The following CLEC4F variants were observed in gnomAD, a reference collection of about 807,000 sequenced individuals.
The protein encoded by CLEC4F is C-type lectin domain family 4 member F.
In CLEC4F, 45 loss-of-function variants were observed where a neutral mutation model predicts 53.4. That is an observed-to-expected ratio of 0.84 (90% CI 0.66 to 1.08). The LOEUF (loss-of-function observed/expected upper bound fraction) is 1.08. Ranked by LOEUF, CLEC4F falls within the 50% of genes least tolerant of loss-of-function variation. CLEC4F has a pLI of 0.00. For synonymous variants in CLEC4F, 245 were observed against 257.5 expected, an observed-to-expected ratio of 0.95 and a Z score of 0.46; for missense variants, 753 against 698.2, an observed-to-expected ratio of 1.08 and a Z score of -0.88.
upstream of CLEC4F, among the ~76,000 whole-genome samples, chr2:70,822,365 A>G (rs1241127236): frequency 1.3e-5 from 2 of 152,216 alleles, no homozygotes; most frequent in Admixed American, 6.5e-5. Context: ...GACTAACTCC[A>G]AAGAATCTGA....
chr2:70,825,216 C>T (rs1677317130), upstream of CLEC4F, among the ~76,000 whole-genome samples: 1 of 152,112 alleles, frequency 6.6e-6, no homozygotes, highest in Non-Finnish European at 1.5e-5. Flanking sequence ...CAGTGGGCTC[C>T]TCAAAACTGT....
chr2:70,813,353 G>A (rs180996706), intron 4 of CLEC4F, among the ~76,000 whole-genome samples: 18 of 152,294 alleles, frequency 1.2e-4, no homozygotes, highest in Non-Finnish European at 2.4e-4. Context: ...AAAAGGTGTT[G>A]AAGATGCATT....
At chr2:70,825,042 G>T (rs2863806), upstream of CLEC4F, among the ~76,000 whole-genome samples, 1 of 151,740 alleles carries the variant, frequency 6.6e-6, no homozygotes, top group South Asian at 2.1e-4. Flanking sequence ...CAAGGTCAAC[G>T]CCAACAGTAA....
At chr2:70,824,469 C>T (rs1257478327), upstream of CLEC4F, among the ~76,000 whole-genome samples, 1 of 151,850 alleles carries the variant, frequency 6.6e-6, no homozygotes, top group African/African-American at 2.4e-5. Context: ...AACAGCCACA[C>T]AGCCCCCAGG....
chr2:70,813,624 T>TTTCC (rs1676727832), intron 4 of CLEC4F, among the ~76,000 whole-genome samples: 1 of 145,840 alleles, frequency 6.9e-6, no homozygotes, highest in Non-Finnish European at 1.5e-5. Context: ...TCTTTCTTTC[T>TTTCC]TTCTTTCTTT....
rs149426278 is a variant in CLEC4F at position 70,809,057 on chromosome 2, CA to C, written c.*213del. On this transcript the variant is annotated 3_prime_UTR_variant, in exon 7 of 7. Coordinates refer to ENST00000272367, the MANE Select transcript of CLEC4F (RefSeq NM_173535.3). ...TGCCCATTCTTGTGCCGCCAGTTGTCAGACTGATTCTTTTCCCAAAACCCGA... is the reference window on the plus strand; with the variant it reads ...TGCCCATTCTTGTGCCGCCAGTTGTCGACTGATTCTTTTCCCAAAACCCGA... The C allele has an allele frequency of 0.29, 444,224 of 1,538,260 alleles. 68,547 individuals carry two copies. The highest frequency in any genetic ancestry group is 0.33 in the Middle Eastern group (1,964 of 5,978).
intron 5 of CLEC4F, chr2:70,811,054 T>C (rs1171401484): frequency 3.1e-5 from 20 of 653,832 alleles, no homozygotes; most frequent in Non-Finnish European, 5.4e-5. Flanking sequence ...GCTGGGAAAA[T>C]ATTTATTGCC....
At chr2:70,810,774 G>A (rs1676514279) in intron 5 of CLEC4F, 1 of 490,004 alleles carries the variant, frequency 2.0e-6, no homozygotes. Context: ...TATGTGATCA[G>A]TACATTTTCC....
intron 5 of CLEC4F, among the ~76,000 whole-genome samples, chr2:70,811,639 A>T (rs114672973): frequency 0.012 from 1,815 of 152,284 alleles, 36 homozygotes; most frequent in African/African-American, 0.041. Flanking sequence ...TAATCCTGGC[A>T]AGTTCTGATA....
At chr2:70,823,121 T>TTGTG (rs10538705), upstream of CLEC4F, among the ~76,000 whole-genome samples, 199 of 150,502 alleles carry the variant, frequency 1.3e-3, no homozygotes, top group African/African-American at 4.5e-3. Context: ...GTGTGTGTGT[T>TTGTG]TGTGTGTGTG....
chr2:70,818,698 G>A (rs1677062304), intron 3 of CLEC4F, among the ~76,000 whole-genome samples: 2 of 151,768 alleles, frequency 1.3e-5, no homozygotes, highest in South Asian at 4.2e-4. Flanking sequence ...GTGACAGAGC[G>A]AGACTCCGTC....
Position 70,819,785 on chromosome 2 carries a change from G to A in CLEC4F, c.168C>T (p.Leu56=). Reference sequence around the variant, plus strand: ...CACCTGGGGGCTTACCCACTACAAAGAGAGTCACAAGAGAGAAGACCAAGG... The same window carrying A: ...CACCTGGGGGCTTACCCACTACAAAAAGAGTCACAAGAGAGAAGACCAAGG... ...AVTLVFSLVT[L]FVVVQQQTRP... The change falls in exon 2 of 7, where the codon CTC becomes CTT. Residue 56 remains leucine, a synonymous_variant. Coordinates refer to ENST00000272367, the MANE Select transcript of CLEC4F (RefSeq NM_173535.3). 1 of 1,595,096 alleles carries A rather than the reference G, an allele frequency of 6.3e-7. No individual in the cohort carries two copies. Among genetic ancestry groups the A allele is most frequent in the Non-Finnish European group, 8.5e-7 (1 of 1,171,776 alleles).
Position 70,819,847 on chromosome 2 carries a change from T to C in CLEC4F, c.106A>G (p.Arg36Gly), listed in dbSNP as rs782432996. ...AATGCCGGGGTAGCCTGAACGAGCC[T>C]CGGTATCTTGGGGGCTGCAGGAGCC... ...AMAPAAPKIP[R>G]LVQATPAFMA... Residue 36 changes from arginine to glycine, a missense_variant, in exon 2 of 7, where the codon AGG (arginine) becomes GGG (glycine). Arg to Gly is a moderately radical substitution (Grantham distance 125, BLOSUM62 -2). Coordinates refer to ENST00000272367, the MANE Select transcript of CLEC4F (RefSeq NM_173535.3). 6.2e-7 allele frequency: 1 copy of C among 1,607,684 alleles called. No homozygotes were observed. Among genetic ancestry groups the C allele is most frequent in the African/African-American group, 1.3e-5 (1 of 74,690 alleles).
chr2:70,823,757 G>A (rs902591580), upstream of CLEC4F, among the ~76,000 whole-genome samples: 5 of 152,134 alleles, frequency 3.3e-5, no homozygotes, highest in Non-Finnish European at 7.3e-5. Context: ...GGCCAGGCAC[G>A]GTGGCTCATG....
In CLEC4F at chr2:70,816,158, T is replaced by C. The variant is rs150978300; in HGVS notation, c.1223A>G (p.Gln408Arg). 3.7e-6 allele frequency: 6 copies of C among 1,614,114 alleles called. No individual in the cohort carries two copies. Among genetic ancestry groups the C allele is most frequent in the Non-Finnish European group, 5.1e-6 (6 of 1,180,052 alleles). ...KNASALTSQT[Q>R]MLDSNLQKAS... ...CTTCTGCAGATTGCTGTCTAACATC[T>C]GGGTCTGGGAAGTTAAGGCTGAAGC... The change falls in exon 4 of 7, where the codon CAG becomes CGG. Residue 408 changes from glutamine (Q) to arginine (R), a missense_variant. Physicochemically the swap from Gln to Arg is conservative, Grantham distance 43. Transcript: ENST00000272367.
upstream of CLEC4F, among the ~76,000 whole-genome samples, chr2:70,824,910 C>T (rs782810224): frequency 1.3e-5 from 2 of 152,130 alleles, no homozygotes; most frequent in Non-Finnish European, 2.9e-5. Context: ...AGTGTAACTT[C>T]CTACTCTTTC....
At chr2:70,818,106 T>G (rs1383415582) in intron 3 of CLEC4F, among the ~76,000 whole-genome samples, 1 of 152,196 alleles carries the variant, frequency 6.6e-6, no homozygotes, top group Admixed American at 6.5e-5. Flanking sequence ...GGAGCATCCA[T>G]GTACTATTTC....
chr2:70,820,596 C>G lies in CLEC4F; in HGVS notation c.-73G>C, dbSNP rs1220269029. 2.1e-6 allele frequency: 3 copies of G among 1,442,900 alleles called. No individual in the cohort carries two copies. Among genetic ancestry groups the G allele is most frequent in the Non-Finnish European group, 2.8e-6 (3 of 1,060,918 alleles). 89.4% of individuals were successfully genotyped at this position (1,442,900 alleles called of 1,614,324 possible). A position where few individuals can be genotyped will look rare whatever the true frequency, so the allele number is the denominator to read the frequency against. On this transcript the variant is annotated 5_prime_UTR_variant, in exon 1 of 7. Transcript: ENST00000272367. ...GAAGGGCCGTCCCGTGGACCAATGG[C>G]AGTGGAAGCAAAGCTGAGACACCCA...
At position 70,816,104 on chromosome 2, in the gene CLEC4F, C is replaced by T. The variant is rs1057336053; in HGVS notation, c.1277G>A (p.Gly426Glu). The T allele has an allele frequency of 2.5e-6, 4 of 1,614,066 alleles. No homozygotes were observed. The highest frequency in any genetic ancestry group is 1.1e-5 in the South Asian group (1 of 91,092). Residue 426 changes from glycine (G) to glutamate (E), a missense_variant, in exon 4 of 7, where the codon GGG becomes GAG. Transcript: ENST00000272367. The part of the protein sequence containing the change: ...KASAEIQRLR[G>E]DLENTKALTM... ...TAGAGCTTTGGTGTTCTCTAGATCC[C>T]CTCTTAACCTCTGGATCTCGGCACT... is the stretch of plus-strand genomic sequence containing the variant.
Sources: gnomAD v4.1 joint callset for allele counts (sites outside exome capture counted in the v4.1 genomes callset) on GRCh38, gnomAD v4.1.1 for gene constraint, MANE v1.5 for transcripts, NCBI Gene and HGNC (gene_info 2026-07-23, HGNC 2026-07-21) for gene names.